The following NRG1 variants were observed in gnomAD, a reference collection of about 807,000 sequenced individuals.
NRG1 encodes the protein neuregulin 1, also known as pro-neuregulin-1, membrane-bound isoform.
NRG1 carries 18 observed loss-of-function variants against 63.8 expected under a neutral mutation model. The observed-to-expected ratio is 0.28, with a 90% CI of 0.19 to 0.42. NRG1 has a LOEUF of 0.42. Among genes scored for constraint, NRG1 ranks in the 10% least tolerant of loss-of-function variants. NRG1 has a pLI of 1.00. For synonymous variants in NRG1, 302 were observed against 301.3 expected (o/e 1.00, Z -0.02); for missense variants, 762 against 814.7 (o/e 0.94, Z 0.79).
At chr8:32,451,865 G>T (rs573156564) in intron 1 of NRG1, among the ~76,000 whole-genome samples, 1 of 151,946 alleles carries the variant, frequency 6.6e-6, no homozygotes, top group Non-Finnish European at 1.5e-5. Flanking sequence ...TTGCTCTGTC[G>T]CCCAGGCTAG....
At chr8:32,435,080 C>T (rs1228645756) in intron 1 of NRG1, among the ~76,000 whole-genome samples, 2 of 152,036 alleles carry the variant, frequency 1.3e-5, no homozygotes, top group Non-Finnish European at 2.9e-5. Context: ...AGACACTATG[C>T]CTATGGTTTA....
chr8:32,377,543 A>G (rs1318525023), intron 1 of NRG1, among the ~76,000 whole-genome samples: 3 of 152,174 alleles, frequency 2.0e-5, no homozygotes, highest in Non-Finnish European at 4.4e-5. Flanking sequence ...CACATCATCA[A>G]TTAGATCCCC....
At chr8:32,761,243 C>T (rs1830625807) in intron 11 of NRG1, among the ~76,000 whole-genome samples, 1 of 152,212 alleles carries the variant, frequency 6.6e-6, no homozygotes, top group African/African-American at 2.4e-5. Flanking sequence ...AAGCTGTTAC[C>T]TGTTCCTATT....
chr8:31,665,988 G>A (rs930702890), intron 1 of NRG1, among the ~76,000 whole-genome samples: 1 of 152,132 alleles, frequency 6.6e-6, no homozygotes, highest in Non-Finnish European at 1.5e-5. Flanking sequence ...CGTTGTTCAC[G>A]ACTGAAATAC....
chr8:32,644,908 A>G (rs147540643), intron 5 of NRG1, among the ~76,000 whole-genome samples: 111 of 151,724 alleles, frequency 7.3e-4, no homozygotes, highest in African/African-American at 2.6e-3. Context: ...ATGGGTTATC[A>G]TGCTTGGTAT....
In NRG1 at chr8:32,275,439, T is replaced by C. The variant is rs896820274; in HGVS notation, c.38-320389T>C. 3.9e-5 allele frequency among the ~76,000 whole-genome samples: 6 copies of C among 152,210 alleles called. No individual in the cohort carries two copies. The East Asian group carries it at 9.7e-4, about 25-fold the overall frequency. On this transcript the variant is annotated intron_variant, in intron 1 of 10. Transcript: ENST00000519301. ...CAGGACACAGAGATGGAGAGTGACC[T>C]GGACAGGACAGGGTTGGCAGCTCAG...
intron 1 of NRG1, among the ~76,000 whole-genome samples, chr8:31,886,859 G>A (rs1830759957): frequency 6.6e-6 from 1 of 151,994 alleles, no homozygotes; most frequent in Non-Finnish European, 1.5e-5. Flanking sequence ...TTCCTATCTG[G>A]AAGAGGACTG....
At chr8:32,443,880 TGACA>T (rs1439018434) in intron 1 of NRG1, among the ~76,000 whole-genome samples, 1 of 152,198 alleles carries the variant, frequency 6.6e-6, no homozygotes, top group Non-Finnish European at 1.5e-5. Context: ...AGTGATTTTT[TGACA>T]GTATGAACTG....
intron 1 of NRG1, among the ~76,000 whole-genome samples, chr8:32,174,852 C>T (rs536403233): frequency 6.6e-6 from 1 of 151,936 alleles, no homozygotes; most frequent in Non-Finnish European, 1.5e-5. Context: ...AGCTTACCAA[C>T]CAAAAAAAGT....
intron 1 of NRG1, among the ~76,000 whole-genome samples, chr8:31,786,280 G>A (rs1820161327): frequency 6.6e-6 from 1 of 152,124 alleles, no homozygotes; most frequent in South Asian, 2.1e-4. Context: ...AGGGAGATTT[G>A]GTATTTTGTT....
intron 1 of NRG1, among the ~76,000 whole-genome samples, chr8:32,542,380 C>A (rs932298228): frequency 1.3e-5 from 2 of 152,092 alleles, no homozygotes; most frequent in African/African-American, 4.8e-5. Flanking sequence ...ACTGAATAAA[C>A]CTAAGTACAC....
intron 1 of NRG1, among the ~76,000 whole-genome samples, chr8:31,705,446 C>A (rs1433568155): frequency 6.6e-6 from 1 of 152,164 alleles, no homozygotes; most frequent in Non-Finnish European, 1.5e-5. Context: ...ACACCCCACA[C>A]TCCTTTACCC....
intron 1 of NRG1, among the ~76,000 whole-genome samples, chr8:32,584,368 C>A (rs1213351819): frequency 1.3e-5 from 2 of 152,128 alleles, no homozygotes; most frequent in Admixed American, 6.5e-5. Context: ...AGAATTCAAT[C>A]GTTAGGTTGT....
At chr8:31,952,250 G>A (rs565313429) in intron 1 of NRG1, among the ~76,000 whole-genome samples, 1 of 152,332 alleles carries the variant, frequency 6.6e-6, no homozygotes, top group South Asian at 2.1e-4. Flanking sequence ...TTTCTGAAAT[G>A]ATGAAGGTGC....
chr8:31,739,298 C>T (rs117273783), intron 1 of NRG1, among the ~76,000 whole-genome samples: 2 of 152,038 alleles, frequency 1.3e-5, no homozygotes, highest in Non-Finnish European at 2.9e-5. Context: ...GGAATGTTAT[C>T]TCACACTGGG....
chr8:32,637,607 C>T (rs1027897313), intron 5 of NRG1, among the ~76,000 whole-genome samples: 14 of 152,132 alleles, frequency 9.2e-5, no homozygotes, highest in African/African-American at 1.4e-4. Flanking sequence ...AATGTTCGGG[C>T]GATTCCCATT....
intron 1 of NRG1, among the ~76,000 whole-genome samples, chr8:32,017,395 C>G (rs1026741724): frequency 1.3e-5 from 2 of 152,158 alleles, no homozygotes; most frequent in Non-Finnish European, 2.9e-5. Context: ...AGCAGCTTCT[C>G]CACACCAACA....
chr8:32,056,084 A>G (rs899352931), intron 1 of NRG1, among the ~76,000 whole-genome samples: 1 of 152,182 alleles, frequency 6.6e-6, no homozygotes, highest in African/African-American at 2.4e-5. Context: ...ATGGGGATCC[A>G]AATTGTAATC....
chr8:32,585,268 T>C (rs1762728895), intron 1 of NRG1, among the ~76,000 whole-genome samples: 1 of 152,256 alleles, frequency 6.6e-6, no homozygotes, highest in Non-Finnish European at 1.5e-5. Flanking sequence ...ATGTGAACTT[T>C]GCTACACATC....
Sources: allele counts gnomAD v4.1 joint callset (sites outside exome capture counted in the v4.1 genomes callset), GRCh38; gene constraint gnomAD v4.1.1; transcripts MANE v1.5; gene names NCBI Gene and HGNC (gene_info 2026-07-23, HGNC 2026-07-21).